Variants in PLXDC2 observed in about 807,000 individuals in gnomAD.
PLXDC2 encodes plexin domain containing 2.
Under a neutral mutation model 68.9 loss-of-function variants are expected in PLXDC2, and 40 were observed. That is an observed-to-expected ratio of 0.58 (90% CI 0.45 to 0.76). The LOEUF is 0.76. Ranked by LOEUF, PLXDC2 falls within the 30% of genes least tolerant of loss-of-function variation. The probability of loss-of-function intolerance (pLI) is 0.00; values close to 1 mark genes in which losing one functional copy is unlikely to be tolerated. For missense variants in PLXDC2, 644 were observed against 661.9 expected (o/e 0.97, Z 0.30); for synonymous variants, 243 against 234.2 (o/e 1.04, Z -0.34).
At chr10:19,961,229 AT>A (rs1240939299) in intron 1 of PLXDC2, among the ~76,000 whole-genome samples, 3 of 152,238 alleles carry the variant, frequency 2.0e-5, no homozygotes, top group Non-Finnish European at 4.4e-5. Flanking sequence ...GTGCAAACTC[AT>A]TGTTTTCAAG....
intron 10 of PLXDC2, among the ~76,000 whole-genome samples, chr10:20,212,136 A>G (rs1367233171): frequency 6.6e-6 from 1 of 151,794 alleles, no homozygotes; most frequent in African/African-American, 2.4e-5. Context: ...AGTCAGGTAA[A>G]TGGCTAGGGA....
chr10:20,001,615 C>T (rs990200863), intron 1 of PLXDC2, among the ~76,000 whole-genome samples, 160 bp from the exon 2 acceptor site: 6 of 152,160 alleles, frequency 3.9e-5, no homozygotes, highest in African/African-American at 7.2e-5. Context: ...CAGAGATGTT[C>T]GTACCAGCTC....
intron 13 of PLXDC2, among the ~76,000 whole-genome samples, chr10:20,247,313 A>T (rs1012116948): frequency 1.3e-5 from 2 of 148,674 alleles, no homozygotes; most frequent in Non-Finnish European, 3.0e-5. Context: ...AAAAAAAAAG[A>T]AAAAAAGAAA....
chr10:19,896,472 G>A (rs1838059702), intron 1 of PLXDC2, among the ~76,000 whole-genome samples: 1 of 152,174 alleles, frequency 6.6e-6, no homozygotes, highest in African/African-American at 2.4e-5. Context: ...ATGAAGGAAT[G>A]AGTATAAAGT....
intron 13 of PLXDC2, among the ~76,000 whole-genome samples, chr10:20,266,037 T>C (rs780646501): frequency 6.6e-6 from 1 of 152,196 alleles, no homozygotes; most frequent in Non-Finnish European, 1.5e-5. Context: ...GAGCAAGAGA[T>C]AAACTTCTAC....
At chr10:20,163,615 G>A (rs1834335445) in intron 6 of PLXDC2, among the ~76,000 whole-genome samples, 2 of 151,782 alleles carry the variant, frequency 1.3e-5, no homozygotes, top group Admixed American at 6.6e-5. Context: ...TTACTTTCCT[G>A]TTTCTTTGTT....
At chr10:19,967,479 T>C (rs947101208) in intron 1 of PLXDC2, among the ~76,000 whole-genome samples, 2 of 152,138 alleles carry the variant, frequency 1.3e-5, no homozygotes, top group African/African-American at 4.8e-5. Flanking sequence ...AAACACTATT[T>C]CATTTCTTAC....
At chr10:20,002,147 A>C (rs1834953017) in intron 2 of PLXDC2, among the ~76,000 whole-genome samples, 161 bp downstream of exon 2, 1 of 152,156 alleles carries the variant, frequency 6.6e-6, no homozygotes. Flanking sequence ...TAACTAAGCC[A>C]CTTTACCATC....
In PLXDC2 at chr10:19,870,891, C is replaced by A. The variant is rs181950670; in HGVS notation, c.112+53700C>A. ...TGTTATGTGCTTACATGCATGATCT[C>A]ATGTAATACATACAGCAAAGCAGGT... is the stretch of plus-strand genomic sequence containing the variant. On this transcript the variant is annotated intron_variant, in intron 1 of 13. Coordinates refer to ENST00000377252, the MANE Select transcript of PLXDC2 (RefSeq NM_032812.9). Among the ~76,000 whole-genome samples, 8 of 152,324 alleles carry A rather than the reference C, an allele frequency of 5.3e-5. No homozygotes were observed. The East Asian group carries it at 1.5e-3, about 29-fold the overall frequency.
At chr10:20,080,213 A>G (rs1410528267) in intron 4 of PLXDC2, among the ~76,000 whole-genome samples, 2 of 152,170 alleles carry the variant, frequency 1.3e-5, no homozygotes, top group Non-Finnish European at 2.9e-5. Flanking sequence ...AAAATCAACA[A>G]TTTCTATTAG....
At chr10:20,158,571 G>C (rs1322685263) in intron 6 of PLXDC2, among the ~76,000 whole-genome samples, 1 of 150,238 alleles carries the variant, frequency 6.7e-6, no homozygotes, top group Non-Finnish European at 1.5e-5. Context: ...GCTAAGGCAG[G>C]AAGATCACTT....
chr10:19,933,677 C>T (rs1047143946), intron 1 of PLXDC2, among the ~76,000 whole-genome samples: 2 of 151,942 alleles, frequency 1.3e-5, no homozygotes, highest in Middle Eastern at 3.4e-3. Flanking sequence ...CACAAACACA[C>T]ACGCGTGCAC....
At chr10:20,131,737 C>G (rs1833870922) in intron 4 of PLXDC2, among the ~76,000 whole-genome samples, 1 of 152,116 alleles carries the variant, frequency 6.6e-6, no homozygotes, top group Non-Finnish European at 1.5e-5. Flanking sequence ...CTTAGTTTAA[C>G]TAAAAGTTAC....
chr10:20,036,114 A>T (rs1835572871), intron 2 of PLXDC2, among the ~76,000 whole-genome samples: 1 of 152,120 alleles, frequency 6.6e-6, no homozygotes, highest in East Asian at 1.9e-4. Flanking sequence ...AAACTTAATA[A>T]AGGACCTGTA....
chr10:20,067,078 A>G (rs1300212414), intron 3 of PLXDC2, among the ~76,000 whole-genome samples: 2 of 152,182 alleles, frequency 1.3e-5, no homozygotes, highest in African/African-American at 4.8e-5. Flanking sequence ...TCTACTTAAT[A>G]TCATTTCAAA....
At chr10:20,119,309 G>A (rs1020810014) in intron 4 of PLXDC2, among the ~76,000 whole-genome samples, 11 of 151,894 alleles carry the variant, frequency 7.2e-5, no homozygotes, top group East Asian at 1.9e-4. Context: ...GAGAGTCAGC[G>A]AAGGGAGATA....
chr10:20,207,614 G>A (rs960670121), intron 9 of PLXDC2, among the ~76,000 whole-genome samples: 9 of 152,266 alleles, frequency 5.9e-5, no homozygotes, highest in Admixed American at 2.0e-4. Flanking sequence ...CAGAATGTCA[G>A]TACATTCTTC....
chr10:20,251,140 A>G (rs1835669993), intron 13 of PLXDC2, among the ~76,000 whole-genome samples: 1 of 152,158 alleles, frequency 6.6e-6, no homozygotes, highest in African/African-American at 2.4e-5. Flanking sequence ...GTCAAGCAGA[A>G]TAGCCTATTT....
At chr10:20,121,639 G>T (rs943002270) in intron 4 of PLXDC2, among the ~76,000 whole-genome samples, 5 of 152,158 alleles carry the variant, frequency 3.3e-5, no homozygotes, top group African/African-American at 7.2e-5. Context: ...AGTGAAGAAA[G>T]CATGTTTGAG....
Sources: gnomAD v4.1 joint callset for allele counts (sites outside exome capture counted in the v4.1 genomes callset) on GRCh38, gnomAD v4.1.1 for gene constraint, MANE v1.5 for transcripts, NCBI Gene and HGNC (gene_info 2026-07-23, HGNC 2026-07-21) for gene names.